The following CDK14 variants were observed in gnomAD, a reference collection of about 807,000 sequenced individuals.
CDK14 encodes the protein cyclin-dependent kinase 14.
CDK14 carries 34 observed loss-of-function variants against 60.7 expected under a neutral mutation model. The observed-to-expected ratio is 0.56, with a 90% CI of 0.43 to 0.75. The LOEUF is 0.75. Ranked by LOEUF, CDK14 falls within the 30% of genes least tolerant of loss-of-function variation. The pLI is 0.00. For missense variants in CDK14, 482 were observed against 564.1 expected (o/e 0.85, Z 1.47); for synonymous variants, 197 against 203.7 (o/e 0.97, Z 0.28).
chr7:90,852,507 TA>T (rs11312390), intron 5 of CDK14, among the ~76,000 whole-genome samples: 125,825 of 152,042 alleles, frequency 0.83, 52,228 homozygotes, highest in East Asian at 1. Flanking sequence ...GTTAAACAGT[TA>T]AAAATGAAAG....
At chr7:91,018,206 G>C (rs1796350162) in intron 10 of CDK14, among the ~76,000 whole-genome samples, 1 of 152,172 alleles carries the variant, frequency 6.6e-6, no homozygotes, top group Non-Finnish European at 1.5e-5. Flanking sequence ...CTTTGGGTGT[G>C]AGCTCCCCAT....
chr7:90,641,993 A>G (rs534077369), intron 2 of CDK14, among the ~76,000 whole-genome samples: 1 of 152,290 alleles, frequency 6.6e-6, no homozygotes, highest in African/African-American at 2.4e-5. Context: ...CTTACTCACT[A>G]TCATGAGAAC....
chr7:91,173,463 C>T (rs186662589), intron 14 of CDK14, among the ~76,000 whole-genome samples: 132 of 151,872 alleles, frequency 8.7e-4, no homozygotes, highest in African/African-American at 2.7e-3. Context: ...CCAAGATGGC[C>T]GAATAGGAAC....
At chr7:91,100,064 T>C (rs1464630552) in intron 12 of CDK14, among the ~76,000 whole-genome samples, 3 of 152,132 alleles carry the variant, frequency 2.0e-5, no homozygotes, top group African/African-American at 4.8e-5. Context: ...ATAAAAATTA[T>C]AAAATCATAT....
At position 90,949,492 on chromosome 7, in the gene CDK14, G is replaced by A. The variant is rs747883376; in HGVS notation, c.827-6205G>A. On this transcript the variant is annotated intron_variant, in intron 8 of 14. Coordinates refer to ENST00000380050, the MANE Select transcript of CDK14 (RefSeq NM_001287135.2). ...GCTGGGATTACAGGCATGAGCCACT[G>A]CGCCCGGCCAAATGAAATATATTTT... 8.9e-4 allele frequency among the ~76,000 whole-genome samples: 135 copies of A among 152,220 alleles called. 2 individuals are homozygous for A. The highest frequency in any genetic ancestry group is 1.1e-3 in the Non-Finnish European group (75 of 68,004).
At chr7:91,177,482 A>G (rs1007882376) in intron 14 of CDK14, among the ~76,000 whole-genome samples, 5 of 151,914 alleles carry the variant, frequency 3.3e-5, no homozygotes, top group Non-Finnish European at 7.4e-5. Context: ...GGAGAAGGAA[A>G]TAAAGGGTAT....
chr7:90,699,918 A>G (rs1456062102), intron 2 of CDK14, among the ~76,000 whole-genome samples: 2 of 152,134 alleles, frequency 1.3e-5, no homozygotes, highest in Non-Finnish European at 2.9e-5. Flanking sequence ...AAACTAAGTT[A>G]ATCTATTAGG....
chr7:90,621,643 T>A (rs536594284), intron 2 of CDK14, among the ~76,000 whole-genome samples: 1 of 143,036 alleles, frequency 7.0e-6, no homozygotes, highest in African/African-American at 2.7e-5. Context: ...CTTCCTTCCT[T>A]CCTTCCTTCC....
At chr7:91,163,966 C>G (rs1454394286) in intron 14 of CDK14, among the ~76,000 whole-genome samples, 1 of 152,140 alleles carries the variant, frequency 6.6e-6, no homozygotes, top group African/African-American at 2.4e-5. Context: ...TGCAATAACA[C>G]CTACTAGTTG....
At chr7:90,656,927 G>T (rs923233046) in intron 2 of CDK14, among the ~76,000 whole-genome samples, 2 of 152,118 alleles carry the variant, frequency 1.3e-5, no homozygotes, top group Non-Finnish European at 2.9e-5. Context: ...AAATGACTTA[G>T]GCTAAAATAT....
At chr7:90,672,108 A>G (rs1216925230) in intron 2 of CDK14, among the ~76,000 whole-genome samples, 1 of 152,214 alleles carries the variant, frequency 6.6e-6, no homozygotes, top group East Asian at 1.9e-4. Flanking sequence ...AGTAAAGCTA[A>G]GAGAGGAGAA....
intron 11 of CDK14, among the ~76,000 whole-genome samples, chr7:91,049,331 A>C (rs1156788746): frequency 6.6e-6 from 1 of 152,194 alleles, no homozygotes; most frequent in East Asian, 1.9e-4. Context: ...TGCCTAACTG[A>C]ATAAGTTTTG....
intron 10 of CDK14, among the ~76,000 whole-genome samples, chr7:91,037,453 A>G (rs1796965441): frequency 6.6e-6 from 1 of 151,934 alleles, no homozygotes; most frequent in South Asian, 2.1e-4. Flanking sequence ...AATGTGAGGG[A>G]GAGAGAGCAT....
At chr7:90,804,055 C>A (rs1788739281) in intron 5 of CDK14, among the ~76,000 whole-genome samples, 1 of 152,124 alleles carries the variant, frequency 6.6e-6, no homozygotes, top group Non-Finnish European at 1.5e-5. Flanking sequence ...TATTATATGG[C>A]CTTACTATTG....
chr7:90,693,317 G>T (rs1476821122), intron 2 of CDK14, among the ~76,000 whole-genome samples: 3 of 152,122 alleles, frequency 2.0e-5, no homozygotes, highest in Non-Finnish European at 2.9e-5. Context: ...GATGAGTCTT[G>T]ATCTGGAATA....
intron 6 of CDK14, among the ~76,000 whole-genome samples, chr7:90,898,116 A>G (rs1792392930): frequency 6.6e-6 from 1 of 152,038 alleles, no homozygotes; most frequent in Non-Finnish European, 1.5e-5. Flanking sequence ...AAATCTCTAG[A>G]CCTCATTGGG....
intron 4 of CDK14, among the ~76,000 whole-genome samples, chr7:90,764,715 T>C (rs180843372): frequency 1.1e-4 from 16 of 152,376 alleles, no homozygotes; most frequent in African/African-American, 3.8e-4. Flanking sequence ...CCCTTCCTTC[T>C]AGAGTTCTGA....
At chr7:90,878,110 GAC>G (rs1441605262) in intron 6 of CDK14, among the ~76,000 whole-genome samples, 2 of 150,778 alleles carry the variant, frequency 1.3e-5, no homozygotes, top group African/African-American at 5.0e-5. Flanking sequence ...GAGAGAGAGA[GAC>G]AGAGAGAGAG....
intron 14 of CDK14, among the ~76,000 whole-genome samples, chr7:91,192,491 A>G (rs932803297): frequency 1.3e-5 from 2 of 152,168 alleles, no homozygotes; most frequent in African/African-American, 4.8e-5. Flanking sequence ...AATTATCTTC[A>G]ACTACTCAGA....
Sources: allele counts gnomAD v4.1 joint callset (sites outside exome capture counted in the v4.1 genomes callset), GRCh38; gene constraint gnomAD v4.1.1; transcripts MANE v1.5; gene names NCBI Gene and HGNC (gene_info 2026-07-23, HGNC 2026-07-21).